WWOX: variants seen among roughly 807,000 people sequenced by gnomAD.
WWOX encodes WW domain-containing oxidoreductase.
WWOX carries 69 observed loss-of-function variants against 46.2 expected under a neutral mutation model. The observed-to-expected ratio is 1.49, with a 90% CI of 1.23 to 1.82. The LOEUF is 1.82. Among genes scored for constraint, WWOX ranks in the 40% most tolerant of loss-of-function variants. The probability of loss-of-function intolerance (pLI) is 0.00; values close to 1 mark genes in which losing one functional copy is unlikely to be tolerated. For missense variants in WWOX, 919 were observed against 542.6 expected (o/e 1.69, Z -6.89); for synonymous variants, 359 against 202.6 (o/e 1.77, Z -6.56).
At chr16:79,137,650 G>C (rs1410530925) in intron 8 of WWOX, among the ~76,000 whole-genome samples, 1 of 152,122 alleles carries the variant, frequency 6.6e-6, no homozygotes, top group Non-Finnish European at 1.5e-5. Flanking sequence ...AATGTGTTGG[G>C]AAAGAAATGG....
chr16:78,113,132 A>G (rs1015906294), intron 3 of WWOX, among the ~76,000 whole-genome samples: 7 of 152,304 alleles, frequency 4.6e-5, no homozygotes, highest in South Asian at 2.1e-4. Context: ...GTTCTCAGGC[A>G]TGGTTCCTGG....
intron 8 of WWOX, among the ~76,000 whole-genome samples, chr16:79,139,746 A>T (rs187475643): frequency 6.6e-6 from 1 of 152,194 alleles, no homozygotes; most frequent in African/African-American, 2.4e-5. Flanking sequence ...TATATGCATC[A>T]TGGGCAGAGG....
intron 8 of WWOX, among the ~76,000 whole-genome samples, chr16:78,713,762 T>A (rs1415365647): frequency 1.3e-5 from 2 of 152,082 alleles, no homozygotes; most frequent in Non-Finnish European, 2.9e-5. Flanking sequence ...TGTGAGAAAA[T>A]CAATTTCTGT....
chr16:78,709,753 T>C (rs1200245826), intron 8 of WWOX, among the ~76,000 whole-genome samples: 3 of 148,658 alleles, frequency 2.0e-5, no homozygotes, highest in South Asian at 2.1e-4. Context: ...TTTTTTGTGA[T>C]AATCTCTCTC....
intron 8 of WWOX, among the ~76,000 whole-genome samples, chr16:78,453,784 C>A (rs181376681): frequency 1.3e-5 from 2 of 152,038 alleles, no homozygotes; most frequent in African/African-American, 4.8e-5. Context: ...TTAAACAGTG[C>A]GAAGATAGTT....
At chr16:78,645,007 G>A (rs1184768243) in intron 8 of WWOX, among the ~76,000 whole-genome samples, 1 of 152,114 alleles carries the variant, frequency 6.6e-6, no homozygotes, top group Non-Finnish European at 1.5e-5. Flanking sequence ...TTAAGATGAA[G>A]GAAATCATTA....
intron 6 of WWOX, among the ~76,000 whole-genome samples, chr16:78,405,949 TAAACA>T (rs1001579367): frequency 6.6e-6 from 1 of 152,200 alleles, no homozygotes; most frequent in African/African-American, 2.4e-5. Context: ...AAAATTGCAC[TAAACA>T]AAAGAATTCT....
In WWOX at chr16:78,600,601, A is replaced by G. The variant is rs149915312; in HGVS notation, c.1056+167849A>G. Among the ~76,000 whole-genome samples, 58 of 152,256 alleles carry G rather than the reference A, an allele frequency of 3.8e-4. 1 individual carries two copies. The highest frequency in any genetic ancestry group is 1.4e-3 in the African/African-American group (57 of 41,550). The stretch of plus-strand genomic sequence containing the variant: ...TATAGTCCAGAGAGGTGAAGGACCC[A>G]TCTTGTGACTGCACAGCTACCCTGT... On this transcript the variant is annotated intron_variant, in intron 8 of 8. Transcript: ENST00000566780.
chr16:78,284,335 T>C (rs1441941719), intron 5 of WWOX, among the ~76,000 whole-genome samples: 3 of 152,206 alleles, frequency 2.0e-5, no homozygotes, highest in African/African-American at 7.2e-5. Context: ...CTTAAGATTT[T>C]TAAAAATTAC....
At chr16:79,186,146 C>T (rs751717337) in intron 8 of WWOX, among the ~76,000 whole-genome samples, 2 of 152,116 alleles carry the variant, frequency 1.3e-5, no homozygotes, top group Non-Finnish European at 2.9e-5. Flanking sequence ...AAGGATACAT[C>T]CAGGACTGTG....
At chr16:78,785,667 GTTGCAGTATAAAA>G (rs1478911347) in intron 8 of WWOX, among the ~76,000 whole-genome samples, 1 of 152,130 alleles carries the variant, frequency 6.6e-6, no homozygotes, top group Non-Finnish European at 1.5e-5. Flanking sequence ...CAAAACCATT[GTTGCAGTATAAAA>G]TTGCAGTATG....
At chr16:78,136,344 T>G (rs987052079) in intron 4 of WWOX, among the ~76,000 whole-genome samples, 1 of 152,220 alleles carries the variant, frequency 6.6e-6, no homozygotes, top group Admixed American at 6.5e-5. Flanking sequence ...GCTTGTAATA[T>G]ACATTCAGAT....
chr16:78,395,194 G>C (rs970428021), intron 6 of WWOX, among the ~76,000 whole-genome samples: 1 of 152,196 alleles, frequency 6.6e-6, no homozygotes, highest in African/African-American at 2.4e-5. Context: ...TGTGCTCAGA[G>C]AGGAAGTGTG....
intron 8 of WWOX, chr16:78,994,537 A>C (rs545519347): frequency 6.6e-6 from 1 of 152,350 alleles, no homozygotes; most frequent in East Asian, 1.9e-4. Flanking sequence ...GTTCTTATCA[A>C]TGAGATCAGA....
chr16:78,565,820 T>C (rs76131976), intron 8 of WWOX, among the ~76,000 whole-genome samples: 2,688 of 152,218 alleles, frequency 0.018, 40 homozygotes, highest in Middle Eastern at 0.061. Context: ...CACTCAGTGA[T>C]GGGAGTCTTC....
chr16:79,071,215 C>G (rs2048544298), intron 8 of WWOX, among the ~76,000 whole-genome samples: 1 of 152,288 alleles, frequency 6.6e-6, no homozygotes, highest in Middle Eastern at 3.4e-3. Context: ...TCAGGTGAGT[C>G]TCACATTGTA....
At chr16:79,070,669 G>A (rs1163424926) in intron 8 of WWOX, among the ~76,000 whole-genome samples, 4 of 152,190 alleles carry the variant, frequency 2.6e-5, no homozygotes, top group Admixed American at 2.6e-4. Context: ...TGCGAGAGAT[G>A]TCAACAATCC....
intron 8 of WWOX, among the ~76,000 whole-genome samples, chr16:78,718,097 A>ATTTTTTTTTATTTTTTTTTTATT (rs2048610694): frequency 1.5e-5 from 1 of 68,268 alleles, no homozygotes; most frequent in Non-Finnish European, 2.9e-5. Flanking sequence ...TGGTGGTTGT[A>ATTTTTTTTTATTTTTTTTTTATT]TTTTTGCCTC....
intron 8 of WWOX, among the ~76,000 whole-genome samples, chr16:78,822,120 CTT>C (rs2051515025): frequency 6.6e-6 from 1 of 152,126 alleles, no homozygotes; most frequent in African/African-American, 2.4e-5. Context: ...AAGTGATCCT[CTT>C]GCCTTGGCCT....
Sources: allele counts gnomAD v4.1 joint callset (sites outside exome capture counted in the v4.1 genomes callset), GRCh38; gene constraint gnomAD v4.1.1; transcripts MANE v1.5; gene names NCBI Gene and HGNC (gene_info 2026-07-23, HGNC 2026-07-21).